Variants in TJP1 observed in about 807,000 individuals in gnomAD.
The protein encoded by TJP1 is tight junction protein 1, also known as tight junction protein ZO-1.
TJP1 carries 43 observed loss-of-function variants against 194.2 expected under a neutral mutation model. The ratio of observed to expected loss-of-function variants is 0.22; its 90% CI spans 0.17 to 0.29. The LOEUF (loss-of-function observed/expected upper bound fraction) is 0.29. Ranked by LOEUF, TJP1 falls within the 10% of genes least tolerant of loss-of-function variation. The pLI is 1.00. For synonymous variants in TJP1, 801 were observed against 779.0 expected, an observed-to-expected ratio of 1.03 and a Z score of -0.47; for missense variants, 1,971 against 2,185.7, an observed-to-expected ratio of 0.90 and a Z score of 1.96.
At chr15:29,771,736 C>T (rs760614460) in intron 4 of TJP1, among the ~76,000 whole-genome samples, 3 of 149,564 alleles carry the variant, frequency 2.0e-5, no homozygotes, top group Non-Finnish European at 4.4e-5. Flanking sequence ...ACCTAGGAGG[C>T]GGAGTTTGCA....
Position 29,720,020 on chromosome 15 carries a change from T to C in TJP1, c.2764-4A>G. 6.3e-7 allele frequency: 1 copy of C among 1,594,810 alleles called. No homozygotes were observed. On this transcript the variant is annotated splice_polypyrimidine_tract_variant and splice_region_variant and intron_variant, in intron 19 of 27. Coordinates refer to ENST00000614355, the MANE Select transcript of TJP1 (RefSeq NM_001330239.4). ...CTGGAGATGAAGCTTCTGCTTTCTGTGAAGTGTTTAAAATATTTTAAATAT... is the reference window on the plus strand; with the variant it reads ...CTGGAGATGAAGCTTCTGCTTTCTGCGAAGTGTTTAAAATATTTTAAATAT...
chr15:29,822,464 G>A lies in TJP1; in HGVS notation c.-436C>T, dbSNP rs1328841543. 1 of 985,502 alleles carries A rather than the reference G, an allele frequency of 1.0e-6. No homozygotes were observed. Among genetic ancestry groups the A allele is most frequent in the African/African-American group, 1.7e-5 (1 of 57,174 alleles). 61.0% of individuals were successfully genotyped at this position (985,502 alleles called of 1,614,324 possible). On this transcript the variant is annotated 5_prime_UTR_variant, in exon 1 of 28. Transcript: ENST00000614355. ...CTCAGCCGGCGCCGGCAACTCAGCGGCCACGCAAACCTGCCGGCCCGGCCC... is the reference window on the plus strand; with the variant it reads ...CTCAGCCGGCGCCGGCAACTCAGCGACCACGCAAACCTGCCGGCCCGGCCC...
intron 10 of TJP1, among the ~76,000 whole-genome samples, chr15:29,737,832 C>T (rs2044137825): frequency 6.6e-6 from 1 of 152,100 alleles, no homozygotes; most frequent in African/African-American, 2.4e-5. Context: ...TATAAATTGG[C>T]TAATTTTCCT....
intron 23 of TJP1, among the ~76,000 whole-genome samples, chr15:29,711,404 C>T (rs1015431912): frequency 2.6e-5 from 4 of 152,252 alleles, no homozygotes; most frequent in Non-Finnish European, 4.4e-5. Context: ...CTCATTCTGT[C>T]GCCCAGACTG....
At chr15:29,857,345 T>C (rs2051897727) in intron 2 of TJP1, among the ~76,000 whole-genome samples, 1 of 150,550 alleles carries the variant, frequency 6.6e-6, no homozygotes, top group South Asian at 2.1e-4. Flanking sequence ...ATTTCCTGTT[T>C]AGAAAAAAAA....
chr15:29,726,418 T>C lies in TJP1; in HGVS notation c.2373A>G (p.Gln791=), dbSNP rs368237854. Residue 791 remains glutamine, a synonymous_variant, in exon 18 of 28, where the codon CAA becomes CAG. Coordinates refer to ENST00000614355, the MANE Select transcript of TJP1 (RefSeq NM_001330239.4). ...CCCATACCAGCTGGTTTTGCTGTTGTTGAATTGCTTCTTTCAGCGCACCAT... is the reference window on the plus strand; with the variant it reads ...CCCATACCAGCTGGTTTTGCTGTTGCTGAATTGCTTCTTTCAGCGCACCAT... ...GWYGALKEAI[Q]QQQNQLVWVS... 3.0e-5 allele frequency: 48 copies of C among 1,614,042 alleles called. No individual in the cohort carries two copies. The highest frequency in any genetic ancestry group is 4.0e-5 in the African/African-American group (3 of 74,952).
intron 2 of TJP1, among the ~76,000 whole-genome samples, chr15:29,785,193 T>C (rs138855869): frequency 7.7e-4 from 117 of 152,336 alleles, no homozygotes; most frequent in African/African-American, 2.7e-3. Flanking sequence ...ACTTGCCGTA[T>C]TTCAAACTTT....
chr15:29,799,140 T>C (rs750616463), intron 2 of TJP1, among the ~76,000 whole-genome samples: 2 of 152,120 alleles, frequency 1.3e-5, no homozygotes, highest in Non-Finnish European at 2.9e-5. Context: ...ATGTAAATTA[T>C]ACCAATAAAA....
In TJP1 at chr15:29,718,697, C is replaced by G. The variant is rs764493613; in HGVS notation, c.3445G>C (p.Ala1149Pro). Residue 1149 changes from alanine to proline, a missense_variant, in exon 21 of 28, where the codon GCA becomes CCA. Around this residue, in one of 5 missense-constraint regions of TJP1, gnomAD observed 1,108 missense variants for 1,128.5 expected, o/e 0.98. Coordinates refer to ENST00000614355, the MANE Select transcript of TJP1 (RefSeq NM_001330239.4). Reference protein sequence around the residue: ...SYDSRPRYEQAPRASALRHEE... With the variant: ...SYDSRPRYEQPPRASALRHEE... ...TGCCGCAGGGCGGATGCTCTAGGTG[C>G]CTGTTCGTAACGTGGTCTGCTGTCG... 1 of 1,613,998 alleles carries G rather than the reference C, an allele frequency of 6.2e-7. No individual in the cohort carries two copies. The highest frequency in any genetic ancestry group is 8.5e-7 in the Non-Finnish European group (1 of 1,180,042).
intron 2 of TJP1, among the ~76,000 whole-genome samples, chr15:29,847,155 T>G (rs1031914874): frequency 1.3e-5 from 2 of 151,812 alleles, no homozygotes; most frequent in Non-Finnish European, 2.9e-5. Context: ...CAGGCTGGAG[T>G]ACAGTGGCAT....
intron 2 of TJP1, among the ~76,000 whole-genome samples, chr15:29,848,337 T>A (rs191972748): frequency 6.6e-6 from 1 of 152,350 alleles, no homozygotes; most frequent in African/African-American, 2.4e-5. Context: ...TGGGCTTGTC[T>A]AGGTCTCTTT....
chr15:29,878,479 C>A (rs762776354), intron 2 of TJP1, among the ~76,000 whole-genome samples: 41 of 152,128 alleles, frequency 2.7e-4, no homozygotes, highest in Admixed American at 5.2e-4. Flanking sequence ...CTGATATATT[C>A]TCAAATAAAT....
chr15:29,756,588 TGAA>T (rs746031150), intron 8 of TJP1, among the ~76,000 whole-genome samples: 11 of 152,156 alleles, frequency 7.2e-5, no homozygotes, highest in Non-Finnish European at 1.3e-4. Flanking sequence ...CTAATTATAA[TGAA>T]GAACAAGCTT....
At chr15:29,887,594 C>A (rs1396901525) in intron 2 of TJP1, among the ~76,000 whole-genome samples, 1 of 152,028 alleles carries the variant, frequency 6.6e-6, no homozygotes, top group African/African-American at 2.4e-5. Flanking sequence ...AGCCACCGCA[C>A]CTGGCCTATA....
At chr15:29,709,873 G>A (rs45497791) in intron 24 of TJP1, among the ~76,000 whole-genome samples, 1 of 152,166 alleles carries the variant, frequency 6.6e-6, no homozygotes, top group East Asian at 1.9e-4. Context: ...GGCTAGGTGC[G>A]GTGGCTCATG....
intron 18 of TJP1, among the ~76,000 whole-genome samples, chr15:29,724,679 T>C (rs1297590450): frequency 2.0e-5 from 3 of 152,314 alleles, no homozygotes; most frequent in East Asian, 1.9e-4. Flanking sequence ...GGAAAGTCAA[T>C]GTGAAATGAA....
chr15:29,921,835 TTTTC>T (rs1333736774), intron 2 of TJP1, among the ~76,000 whole-genome samples: 1 of 146,698 alleles, frequency 6.8e-6, no homozygotes, highest in Non-Finnish European at 1.5e-5. Flanking sequence ...TTTTTTTTCT[TTTTC>T]TTTCTTTCTT....
At chr15:29,814,341 G>A (rs1457215308) in intron 1 of TJP1, among the ~76,000 whole-genome samples, 1 of 152,140 alleles carries the variant, frequency 6.6e-6, no homozygotes, top group Non-Finnish European at 1.5e-5. Flanking sequence ...GATCATTACA[G>A]CGTATAGCAG....
intron 2 of TJP1, among the ~76,000 whole-genome samples, chr15:29,892,783 C>T (rs919985662): frequency 5.3e-5 from 8 of 152,152 alleles, no homozygotes; most frequent in African/African-American, 1.9e-4. Flanking sequence ...AATATTACTG[C>T]TCATTGGCAA....
Sources: gnomAD v4.1 joint callset for allele counts (sites outside exome capture counted in the v4.1 genomes callset) on GRCh38, gnomAD v4.1.1 for gene constraint, gnomAD v4.1.1 regional missense constraint, MANE v1.5 for transcripts, NCBI Gene and HGNC (gene_info 2026-07-23, HGNC 2026-07-21) for gene names.